Variants in FRYL observed in about 807,000 individuals in gnomAD.
FRYL encodes the protein FRY like transcription coactivator.
A neutral mutation model predicts 351.2 loss-of-function variants in FRYL; 150 were observed. The observed-to-expected ratio is 0.43, with a 90% CI of 0.37 to 0.49. The LOEUF is 0.49. FRYL is among the 20% of genes least tolerant of loss of function. The pLI is 0.00. For missense variants in FRYL, 3,036 were observed against 3,619.3 expected, an observed-to-expected ratio of 0.84 and a Z score of 4.13; for synonymous variants, 1,153 against 1,257.1, an observed-to-expected ratio of 0.92 and a Z score of 1.75.
rs557681753 is a variant in FRYL at position 48,743,933 on chromosome 4, C to T, written c.-383-33235G>A. On this transcript the variant is annotated intron_variant, in intron 1 of 63. Transcript: ENST00000358350. The stretch of plus-strand genomic sequence containing the variant: ...TTAAAAATTTAACAATTTAACAACT[C>T]TCCCTTTCCCTGTCTTCCCACCACC... Among the ~76,000 whole-genome samples the T allele has an allele frequency of 1.2e-3, 4 of 3,420 alleles. No homozygotes were observed. The South Asian group carries it at 0.5, about 428-fold the overall frequency. 2.2% of individuals were successfully genotyped at this position (3,420 alleles called of 152,430 possible).
chr4:48,572,535 T>C lies in FRYL; in HGVS notation c.2904+651A>G, dbSNP rs189495594. ...ACTGAGGAACGTGCTTCAAAATTCA[T>C]CTGAAATATCAGCACTTCATCTATA... On this transcript the variant is annotated intron_variant, in intron 26 of 63. Coordinates refer to ENST00000358350, the MANE Select transcript of FRYL (RefSeq NM_015030.2). Among the ~76,000 whole-genome samples, 215 of 152,342 alleles carry C rather than the reference T, an allele frequency of 1.4e-3. 1 individual carries two copies. The highest frequency in any genetic ancestry group is 4.6e-3 in the African/African-American group (191 of 41,584).
intron 40 of FRYL, 41 bp downstream of exon 40, chr4:48,548,649 A>G: frequency 2.7e-6 from 3 of 1,096,354 alleles, no homozygotes; most frequent in Non-Finnish European, 4.2e-6. Flanking sequence ...AAATTATCAT[A>G]AAAATATAAC....
intron 3 of FRYL, among the ~76,000 whole-genome samples, chr4:48,647,961 G>T (rs1258760714): frequency 6.6e-6 from 1 of 152,102 alleles, no homozygotes; most frequent in Non-Finnish European, 1.5e-5. Flanking sequence ...TACAAAATTA[G>T]TTGTGCAAAC....
intron 3 of FRYL, among the ~76,000 whole-genome samples, chr4:48,671,864 AAAAAAAAAC>A (rs1762775623): frequency 1.9e-4 from 23 of 122,070 alleles, no homozygotes; most frequent in South Asian, 3.2e-4. Flanking sequence ...AAAACAAAAA[AAAAAAAAAC>A]AAAAAAAAAA....
intron 19 of FRYL, among the ~76,000 whole-genome samples, chr4:48,585,195 T>C (rs1011892203): frequency 2.6e-5 from 4 of 152,322 alleles, no homozygotes; most frequent in African/African-American, 9.6e-5. Context: ...CATAAATAAT[T>C]AATGTTTCTT....
At chr4:48,764,814 T>C (rs1414999394) in intron 1 of FRYL, among the ~76,000 whole-genome samples, 2 of 152,180 alleles carry the variant, frequency 1.3e-5, no homozygotes, top group Admixed American at 1.3e-4. Context: ...CCTATCAAAA[T>C]TCCAACGGCA....
At chr4:48,552,047 C>T (rs1360579595) in intron 36 of FRYL, among the ~76,000 whole-genome samples, 1 of 152,110 alleles carries the variant, frequency 6.6e-6, no homozygotes, top group South Asian at 2.1e-4. Context: ...GAGAGTAAAT[C>T]AGAAGATTCC....
intron 26 of FRYL, chr4:48,571,650 G>A: frequency 2.0e-6 from 2 of 985,182 alleles, no homozygotes; most frequent in Non-Finnish European, 2.4e-6. Context: ...TGCCTTCCAG[G>A]TGCATGATAA....
chr4:48,700,753 G>A (rs1166430299), intron 2 of FRYL, among the ~76,000 whole-genome samples: 1 of 151,628 alleles, frequency 6.6e-6, no homozygotes, highest in Admixed American at 6.6e-5. Flanking sequence ...AGTGAGCTAT[G>A]ATTGCACCAC....
chr4:48,661,407 G>C (rs1760691782), intron 3 of FRYL, among the ~76,000 whole-genome samples: 1 of 152,160 alleles, frequency 6.6e-6, no homozygotes, highest in East Asian at 1.9e-4. Context: ...CTGCCTAAGG[G>C]CACTTTCAGG....
Position 48,748,877 on chromosome 4 carries a change from A to G in FRYL, c.-384+31201T>C, listed in dbSNP as rs143070392. On this transcript the variant is annotated intron_variant, in intron 1 of 63. Coordinates refer to ENST00000358350, the MANE Select transcript of FRYL (RefSeq NM_015030.2). ...GGCGTAGGGGTTGCAATTTTTAAGTAGTCAGAATACAAGTTGTCAAAAAAC... is the reference window on the plus strand; with the variant it reads ...GGCGTAGGGGTTGCAATTTTTAAGTGGTCAGAATACAAGTTGTCAAAAAAC... 2.7e-3 allele frequency among the ~76,000 whole-genome samples: 407 copies of G among 152,342 alleles called. 2 individuals carry two copies. The highest frequency in any genetic ancestry group is 9.4e-3 in the African/African-American group (389 of 41,582).
chr4:48,673,001 A>G (rs1484956723), intron 3 of FRYL, among the ~76,000 whole-genome samples: 1 of 152,248 alleles, frequency 6.6e-6, no homozygotes, highest in Admixed American at 6.5e-5. Context: ...AAGGAAATCC[A>G]GTTAGTAAAA....
Position 48,549,712 on chromosome 4 carries a change from TA to T in FRYL, c.4634-90del. 9.6e-7 allele frequency: 1 copy of T among 1,041,626 alleles called. No individual in the cohort carries two copies. The highest frequency in any genetic ancestry group is 1.4e-6 in the Non-Finnish European group (1 of 733,992). The allele number at this position is 1,041,626 out of a possible 1,614,324, so 64.5% of individuals were successfully genotyped here. A position where few individuals can be genotyped will look rare whatever the true frequency, so the allele number is the denominator to read the frequency against. On this transcript the variant is annotated intron_variant, in intron 38 of 63. Coordinates refer to ENST00000358350, the MANE Select transcript of FRYL (RefSeq NM_015030.2). The surrounding 1 kb of genome is among the most constrained non-coding windows in gnomAD (Gnocchi z 4.2). ...AGTAAGATCCCAACTATTTATATAG[TA>T]TTGGAAAGTGATAAAAAAAATTTCC...
intron 28 of FRYL, 97 bp from the exon 29 acceptor site, chr4:48,565,788 A>G (rs1736643157): frequency 1.8e-5 from 22 of 1,222,796 alleles, no homozygotes; most frequent in Non-Finnish European, 2.5e-5. Flanking sequence ...TGTAAAAAAG[A>G]AAGCAGAAGT....
chr4:48,735,080 G>A (rs1771166897), intron 1 of FRYL, among the ~76,000 whole-genome samples: 1 of 118,746 alleles, frequency 8.4e-6, no homozygotes, highest in Non-Finnish European at 1.7e-5. Context: ...ATCTGACAAA[G>A]GGCTAATATC....
intron 16 of FRYL, among the ~76,000 whole-genome samples, chr4:48,592,995 G>C (rs1446578887): frequency 6.6e-6 from 1 of 151,890 alleles, no homozygotes; most frequent in African/African-American, 2.4e-5. Context: ...TTCCAACAAA[G>C]AATTAATTTA....
At chr4:48,709,070 G>A (rs545090065) in intron 2 of FRYL, among the ~76,000 whole-genome samples, 27 of 151,906 alleles carry the variant, frequency 1.8e-4, no homozygotes, top group South Asian at 4.2e-4. Flanking sequence ...TACAGCGCCC[G>A]CCACCACGCC....
intron 7 of FRYL, among the ~76,000 whole-genome samples, chr4:48,613,492 T>C (rs1363385209): frequency 6.6e-6 from 1 of 152,202 alleles, no homozygotes; most frequent in African/African-American, 2.4e-5. Context: ...TGCTATGTGC[T>C]CTTTGTTGCC....
chr4:48,648,573 G>A (rs1454494232), intron 3 of FRYL, among the ~76,000 whole-genome samples: 1 of 152,132 alleles, frequency 6.6e-6, no homozygotes, highest in African/African-American at 2.4e-5. Flanking sequence ...GAGATTTTCT[G>A]GGGGGTGAGG....
Sources: allele counts gnomAD v4.1 joint callset (sites outside exome capture counted in the v4.1 genomes callset), GRCh38; gene constraint gnomAD v4.1.1; non-coding constraint Gnocchi (gnomAD v3.1); transcripts MANE v1.5; gene names NCBI Gene and HGNC (gene_info 2026-07-23, HGNC 2026-07-21).